Variants in NUTM1 observed in about 807,000 individuals in gnomAD.
NUTM1 encodes NUT midline carcinoma family member 1.
NUTM1 carries 39 observed loss-of-function variants against 88.7 expected under a neutral mutation model. The observed-to-expected ratio is 0.44, with a 90% CI of 0.34 to 0.57. The LOEUF is 0.57. NUTM1 is among the 20% of genes least tolerant of loss of function. The probability of loss-of-function intolerance (pLI) is 0.01; values close to 1 mark genes in which losing one functional copy is unlikely to be tolerated. For synonymous variants in NUTM1, 494 were observed against 538.0 expected, an observed-to-expected ratio of 0.92 and a Z score of 1.13; for missense variants, 1,350 against 1,414.5, an observed-to-expected ratio of 0.95 and a Z score of 0.73.
chr15:34,354,016 A>G (rs1490311331), intron 5 of NUTM1, 144 bp downstream of exon 5: 8 of 896,612 alleles, frequency 8.9e-6, no homozygotes, highest in African/African-American at 3.4e-5. Context: ...CAAACAGACC[A>G]CCCCATAGGA....
chr15:34,343,782 T>TA (rs796131002), intron 1 of NUTM1, 80 bp downstream of exon 1: 21 of 1,259,774 alleles, frequency 1.7e-5, no homozygotes, highest in Middle Eastern at 4.3e-4. Flanking sequence ...AAGTTCTCCT[T>TA]ATAAGACTCT....
At position 34,348,635 on chromosome 15, in the gene NUTM1, T is replaced by C; in HGVS notation, c.767T>C (p.Leu256Pro). The C allele has an allele frequency of 6.2e-7, 1 of 1,608,662 alleles. No homozygotes were observed. The highest frequency in any genetic ancestry group is 8.5e-7 in the Non-Finnish European group (1 of 1,179,830). The change falls in exon 3 of 8, where the codon CTA becomes CCA. Residue 256 changes from leucine to proline, a missense_variant. Around this residue, in one of 5 missense-constraint regions of NUTM1, gnomAD observed 399 missense variants for 397.9 expected, o/e 1.00. Transcript: ENST00000537011. ...QRYKALARRH[L>P]SQSPDTEALS... ...TACAAAGCCTTGGCCCGGAGGCACC[T>C]ATCCCAGAGTCCTGACACAGAAGCT...
intron 2 of NUTM1, among the ~76,000 whole-genome samples, chr15:34,346,711 C>T (rs1286705619): frequency 3.5e-5 from 3 of 85,876 alleles, no homozygotes; most frequent in East Asian, 6.4e-4. Context: ...GCGTAAACCC[C>T]GTATGTCCTA....
intron 6 of NUTM1, 110 bp from the exon 7 acceptor site, chr15:34,354,911 C>T (rs902507659): frequency 2.0e-5 from 20 of 1,024,748 alleles, no homozygotes; most frequent in African/African-American, 1.6e-4. Flanking sequence ...TTTACAATAC[C>T]GGAGGGGTAA....
In NUTM1 at chr15:34,350,745, C is replaced by A. The variant is rs1437314657; in HGVS notation, c.851C>A (p.Thr284Asn). The change falls in exon 4 of 8, where the codon ACC becomes AAC. Residue 284 changes from threonine to asparagine, a missense_variant. Coordinates refer to ENST00000537011, the MANE Select transcript of NUTM1 (RefSeq NM_001284292.2). ...RSLARLKPTM[T>N]LEEGLPLAVQ... ...CTGGCCCGGCTGAAGCCCACTATGA[C>A]CCTGGAGGAGGGACTGCCATTGGCT... is the stretch of plus-strand genomic sequence containing the variant. The A allele has an allele frequency of 3.1e-6, 5 of 1,613,732 alleles. No individual in the cohort carries two copies. The East Asian group carries it at 1.1e-4, about 36-fold the overall frequency.
chr15:34,343,764 G>C, intron 1 of NUTM1, 62 bp downstream of exon 1: 1 of 1,426,830 alleles, frequency 7.0e-7, no homozygotes, highest in Non-Finnish European at 9.5e-7. Context: ...ATTTTTAAAA[G>C]AATATAGAAG....
rs772785840 is a variant in NUTM1, at chr15:34,356,729, A to G, written c.2721A>G (p.Glu907=). Residue 907 remains glutamate (E), a synonymous_variant, in exon 8 of 8, where the codon GAA becomes GAG. Coordinates refer to ENST00000537011, the MANE Select transcript of NUTM1 (RefSeq NM_001284292.2). ...CTGAGGATGCCTCCTCCTTGCCTGA[A>G]GCCAGTCAAGAGGCAGGGAGCAGAG... ...MGTEDASSLP[E]ASQEAGSRGN... is the part of the protein sequence containing the mutation. 1.5e-5 allele frequency: 24 copies of G among 1,613,282 alleles called. No individual in the cohort carries two copies. The highest frequency in any genetic ancestry group is 1.9e-5 in the Non-Finnish European group (23 of 1,179,838).
At chr15:34,350,999 A>T (rs905573542) in intron 4 of NUTM1, among the ~76,000 whole-genome samples, 167 bp downstream of exon 4, 6 of 151,768 alleles carry the variant, frequency 4.0e-5, no homozygotes, top group African/African-American at 9.7e-5. Flanking sequence ...CCGGTGGATC[A>T]CCTGAGGTCA....
chr15:34,355,619 GC>G lies in NUTM1; in HGVS notation c.1614del (p.Ser539HisfsTer34). 6.2e-7 allele frequency: 1 copy of G among 1,613,234 alleles called. No individual in the cohort carries two copies. The highest frequency in any genetic ancestry group is 8.5e-7 in the Non-Finnish European group (1 of 1,179,610). On this transcript the variant is annotated frameshift_variant, in exon 8 of 8. Transcript: ENST00000537011. LOFTEE classifies it high-confidence loss of function. This position sits in a 1 kb window ranked among gnomAD's most constrained non-coding sequence, Gnocchi z 4.3. ...EDEDGDGRLRPSPGLQGAGGA... is the reference protein window; with the variant it reads ...EDEDGDGRLRXSPGLQGAGGA... ...ATGAAGATGGGGATGGGCGGCTTCG[GC>G]CCTCACCTGGGCTTCAGGGGGCTGG...
intron 6 of NUTM1, 138 bp downstream of exon 6, chr15:34,354,870 C>A: frequency 9.7e-7 from 1 of 1,032,040 alleles, no homozygotes; most frequent in Non-Finnish European, 1.5e-6. Context: ...CATGCATCAT[C>A]ATGAGAATGT....
chr15:34,352,031 A>G (rs539353084), intron 4 of NUTM1, among the ~76,000 whole-genome samples: 1 of 152,268 alleles, frequency 6.6e-6, no homozygotes, highest in African/African-American at 2.4e-5. Context: ...TTAGCCAGGC[A>G]TGGTGGCGCA....
At position 34,356,880 on chromosome 15, in the gene NUTM1, C is replaced by T. The variant is rs1890824436; in HGVS notation, c.2872C>T (p.Pro958Ser). The change falls in exon 8 of 8, where the codon CCC becomes TCC. Residue 958 changes from proline (P) to serine (S), a missense_variant. Pro to Ser is a moderately conservative substitution (Grantham distance 74). This residue lies in a region of NUTM1 where 730 missense variants were observed against 728.8 expected (regional missense o/e 1.00). Coordinates refer to ENST00000537011, the MANE Select transcript of NUTM1 (RefSeq NM_001284292.2). ...TCPLNVHSYD[P>S]QGEGRVDPDL... is the part of the protein sequence containing the mutation. ...CCCACTGAATGTTCATTCTTATGACCCCCAAGGAGAAGGCAGGGTGGATCC... is the reference window on the plus strand; with the variant it reads ...CCCACTGAATGTTCATTCTTATGACTCCCAAGGAGAAGGCAGGGTGGATCC... 6.2e-7 allele frequency: 1 copy of T among 1,612,842 alleles called. No individual in the cohort carries two copies. Among genetic ancestry groups the T allele is most frequent in the Non-Finnish European group, 8.5e-7 (1 of 1,179,814 alleles).
chr15:34,355,149 G>C lies in NUTM1; in HGVS notation c.1479+12G>C. On this transcript the variant is annotated intron_variant, in intron 7 of 7. Transcript: ENST00000537011. The surrounding 1 kb of genome is among the most constrained non-coding windows in gnomAD (Gnocchi z 4.3). ...TCACTCTTGCCCAGGTAAAACTGGG[G>C]TATAGGAAATATGAGAACGAGAAGC... 1 of 1,509,076 alleles carries C rather than the reference G, an allele frequency of 6.6e-7. No homozygotes were observed. The highest frequency in any genetic ancestry group is 9.2e-7 in the Non-Finnish European group (1 of 1,084,628). 93.5% of individuals were successfully genotyped at this position (1,509,076 alleles called of 1,614,324 possible). A position where few individuals can be genotyped will look rare whatever the true frequency, so the allele number is the denominator to read the frequency against.
Position 34,354,509 on chromosome 15 carries a change from A to G in NUTM1, c.1139A>G (p.Gln380Arg), listed in dbSNP as rs1890764188. Residue 380 changes from glutamine (Q) to arginine (R), a missense_variant, in exon 6 of 8, where the codon CAG (glutamine) becomes CGG (arginine). This residue lies in a region of NUTM1 where 89 missense variants were observed against 76.0 expected (regional missense o/e 1.17). Transcript: ENST00000537011. ...CCCCGCCGGCGTCAGCGTAAAGCCC[A>G]GAGACCTCCTGCTCCTGAGGCACCC... ...RAPRRRQRKA[Q>R]RPPAPEAPKE... 4 of 1,614,098 alleles carry G rather than the reference A, an allele frequency of 2.5e-6. No individual in the cohort carries two copies. The highest frequency in any genetic ancestry group is 3.4e-6 in the Non-Finnish European group (4 of 1,180,048).
chr15:34,353,493 C>T (rs1334197373), intron 4 of NUTM1, among the ~76,000 whole-genome samples: 1 of 152,182 alleles, frequency 6.6e-6, no homozygotes, highest in East Asian at 1.9e-4. Context: ...CCCCACCTGG[C>T]CATTCATTTT....
intron 2 of NUTM1, among the ~76,000 whole-genome samples, chr15:34,346,310 C>T (rs1005077168): frequency 1.3e-5 from 2 of 151,904 alleles, no homozygotes; most frequent in African/African-American, 4.8e-5. Context: ...GGGACACTTC[C>T]GCATGTGTTT....
chr15:34,352,644 A>G (rs1485044822), intron 4 of NUTM1, among the ~76,000 whole-genome samples: 45 of 25,520 alleles, frequency 1.8e-3, no homozygotes, highest in African/African-American at 5.2e-3. Flanking sequence ...TAAAAATACA[A>G]AAAAAAAAAA....
rs186849850 is a variant in NUTM1 at position 34,348,080 on chromosome 15, G to T, written c.212G>T (p.Arg71Met). 1 of 1,614,030 alleles carries T rather than the reference G, an allele frequency of 6.2e-7. No individual in the cohort carries two copies. The highest frequency in any genetic ancestry group is 1.3e-5 in the African/African-American group (1 of 75,002). Residue 71 changes from arginine to methionine, a missense_variant, in exon 3 of 8, where the codon AGG becomes ATG. Transcript: ENST00000537011. ...TCTGACCCACCAGACCACCCACCCA[G>T]GGAGCCACCTCCACAGCCCATCATG... ...PTSDPPDHPPREPPPQPIMPS... is the reference protein window; with the variant it reads ...PTSDPPDHPPMEPPPQPIMPS...
In NUTM1 at chr15:34,356,970, A is replaced by G. The variant is rs1318425743; in HGVS notation, c.2962A>G (p.Thr988Ala). 3 of 1,613,636 alleles carry G rather than the reference A, an allele frequency of 1.9e-6. No individual in the cohort carries two copies. In the South Asian group the frequency reaches 3.3e-5, roughly 18 times the overall value. ...QESQESYTTG[T>A]PKATSSHQGL... ...GAGTCAGGAGTCTTACACAACTGGG[A>G]CTCCCAAAGCAACATCTTCTCACCA... The change falls in exon 8 of 8, where the codon ACT becomes GCT. Residue 988 changes from threonine (T) to alanine (A), a missense_variant. Physicochemically the swap from Thr to Ala is moderately conservative, Grantham distance 58. Transcript: ENST00000537011.
Sources: gnomAD v4.1 joint callset for allele counts (sites outside exome capture counted in the v4.1 genomes callset) on GRCh38, gnomAD v4.1.1 for gene constraint, gnomAD v4.1.1 regional missense constraint, Gnocchi (gnomAD v3.1) non-coding constraint, MANE v1.5 for transcripts, NCBI Gene and HGNC (gene_info 2026-07-23, HGNC 2026-07-21) for gene names.